The following DYM variants were observed in gnomAD, a reference collection of about 807,000 sequenced individuals.
DYM encodes the protein dyggve-Melchior-Clausen syndrome protein.
Under a neutral mutation model 93.1 loss-of-function variants are expected in DYM, and 78 were observed. That is an observed-to-expected ratio of 0.84 (90% CI 0.70 to 1.01). The LOEUF (loss-of-function observed/expected upper bound fraction) is 1.01. Among genes scored for constraint, DYM ranks in the 50% least tolerant of loss-of-function variants. DYM has a pLI of 0.00. For synonymous variants in DYM, 321 were observed against 319.7 expected, an observed-to-expected ratio of 1.00 and a Z score of -0.04; for missense variants, 789 against 845.0, an observed-to-expected ratio of 0.93 and a Z score of 0.82.
intron 8 of DYM, among the ~76,000 whole-genome samples, chr18:49,312,888 C>T (rs1300760553): frequency 6.6e-6 from 1 of 152,132 alleles, no homozygotes; most frequent in Admixed American, 6.5e-5. Flanking sequence ...AATAGAAGCA[C>T]AGATTTAGGT....
At chr18:49,075,306 G>A (rs2077213394) in intron 17 of DYM, among the ~76,000 whole-genome samples, 1 of 152,144 alleles carries the variant, frequency 6.6e-6, no homozygotes, top group Non-Finnish European at 1.5e-5. Context: ...AGCCCCTGAG[G>A]AGGAGGTTGT....
intron 6 of DYM, among the ~76,000 whole-genome samples, chr18:49,336,233 T>A (rs2063663426): frequency 1.3e-5 from 2 of 152,230 alleles, no homozygotes; most frequent in African/African-American, 4.8e-5. Flanking sequence ...GTTTTAGTTT[T>A]GCTTAAACCA....
chr18:49,136,959 A>G (rs2083920087), intron 15 of DYM, among the ~76,000 whole-genome samples: 1 of 152,238 alleles, frequency 6.6e-6, no homozygotes, highest in Non-Finnish European at 1.5e-5. Context: ...ATACACTATA[A>G]CAAGAAAACA....
At chr18:49,120,192 GA>G (rs2082266104) in intron 15 of DYM, among the ~76,000 whole-genome samples, 1 of 151,082 alleles carries the variant, frequency 6.6e-6, no homozygotes, top group Non-Finnish European at 1.5e-5. Context: ...AAATGCAAAT[GA>G]AAAAGGGAAA....
At chr18:49,079,415 AT>A (rs1256663108) in intron 17 of DYM, among the ~76,000 whole-genome samples, 1 of 148,072 alleles carries the variant, frequency 6.8e-6, no homozygotes, top group Admixed American at 6.7e-5. Flanking sequence ...TTTTATTTTT[AT>A]TTTTTTTATT....
At chr18:49,183,795 G>A (rs912577368) in intron 14 of DYM, among the ~76,000 whole-genome samples, 2 of 152,032 alleles carry the variant, frequency 1.3e-5, no homozygotes, top group African/African-American at 4.8e-5. Context: ...CTCTAGTATC[G>A]CTGTATTTGG....
intron 5 of DYM, among the ~76,000 whole-genome samples, chr18:49,368,933 C>T (rs1375694468): frequency 6.6e-6 from 1 of 152,210 alleles, no homozygotes; most frequent in African/African-American, 2.4e-5. Context: ...TTTGATCTCT[C>T]ACAAGTCAGC....
intron 17 of DYM, among the ~76,000 whole-genome samples, chr18:49,068,494 T>A (rs1038970271): frequency 1.3e-5 from 2 of 152,214 alleles, no homozygotes; most frequent in Non-Finnish European, 2.9e-5. Context: ...CACAGTTTGA[T>A]GCTGCTCCTT....
rs2089664700 is a variant in DYM at position 49,179,038 on chromosome 18, C to A, written c.1626-15251G>T. ...GGCATTGATACATTATATTTGGGAT[C>A]TTCACAATGTAATCCAGCTCCCTTC... On this transcript the variant is annotated intron_variant, in intron 14 of 17. Transcript: ENST00000675505. 3.3e-5 allele frequency among the ~76,000 whole-genome samples: 5 copies of A among 152,034 alleles called. No homozygotes were observed. In the South Asian group the frequency reaches 1.0e-3, roughly 32 times the overall value.
chr18:49,130,984 T>C (rs1252686945), intron 15 of DYM, among the ~76,000 whole-genome samples: 1 of 152,210 alleles, frequency 6.6e-6, no homozygotes, highest in Admixed American at 6.5e-5. Flanking sequence ...GAGCCTCAGC[T>C]TTCCCGTGAG....
intron 15 of DYM, among the ~76,000 whole-genome samples, chr18:49,119,654 G>A (rs1306832347): frequency 6.6e-6 from 1 of 152,136 alleles, no homozygotes. Flanking sequence ...TATCAACAAA[G>A]GTGGTTAAGG....
chr18:49,292,312 A>ACAGACAGGCAGGCAGGCAGGCAGGCAGG (rs1491459614), intron 8 of DYM, among the ~76,000 whole-genome samples: 1 of 110,994 alleles, frequency 9.0e-6, no homozygotes, highest in South Asian at 3.7e-4. Flanking sequence ...AGACAGACAG[A>ACAGACAGGCAGGCAGGCAGGCAGGCAGG]CAGGCAGGCA....
chr18:49,136,417 C>T (rs2083855687), intron 15 of DYM, among the ~76,000 whole-genome samples: 1 of 151,898 alleles, frequency 6.6e-6, no homozygotes, highest in Non-Finnish European at 1.5e-5. Context: ...TTTGTTGTAA[C>T]CTATTTTTGT....
At chr18:49,110,845 A>G (rs2081320381) in intron 16 of DYM, among the ~76,000 whole-genome samples, 1 of 152,120 alleles carries the variant, frequency 6.6e-6, no homozygotes, top group Non-Finnish European at 1.5e-5. Flanking sequence ...ATATTGAATC[A>G]TCTGATATCG....
chr18:49,058,476 T>C (rs2075691581), intron 17 of DYM, among the ~76,000 whole-genome samples: 1 of 152,112 alleles, frequency 6.6e-6, no homozygotes, highest in South Asian at 2.1e-4. Context: ...TGCACCACCA[T>C]GCCTGGCAAA....
At chr18:49,130,837 A>C (rs1412473211) in intron 15 of DYM, among the ~76,000 whole-genome samples, 1 of 152,180 alleles carries the variant, frequency 6.6e-6, no homozygotes, top group Non-Finnish European at 1.5e-5. Context: ...CTATGGGAGC[A>C]CTTGGAATAG....
chr18:49,357,969 C>A (rs1224870211), intron 6 of DYM, among the ~76,000 whole-genome samples: 1 of 152,002 alleles, frequency 6.6e-6, no homozygotes, highest in African/African-American at 2.4e-5. Flanking sequence ...GGCAACACAG[C>A]AAGACCTCAT....
At chr18:49,379,216 G>A (rs970993848) in intron 4 of DYM, among the ~76,000 whole-genome samples, 5 of 152,012 alleles carry the variant, frequency 3.3e-5, no homozygotes, top group Non-Finnish European at 7.4e-5. Context: ...AATCTTTTCA[G>A]AGACTGACAT....
intron 1 of DYM, among the ~76,000 whole-genome samples, chr18:49,440,929 T>TATAATA (rs2081346117): frequency 5.0e-4 from 1 of 1,996 alleles, no homozygotes; most frequent in African/African-American, 1.5e-3. Context: ...ATATAATATA[T>TATAATA]TATATAATAT....
Sources: gnomAD v4.1 joint callset for allele counts (sites outside exome capture counted in the v4.1 genomes callset) on GRCh38, gnomAD v4.1.1 for gene constraint, MANE v1.5 for transcripts, NCBI Gene and HGNC (gene_info 2026-07-23, HGNC 2026-07-21) for gene names.